LRTM1: variants seen among roughly 807,000 people sequenced by gnomAD.
LRTM1 encodes the protein leucine-rich repeat and transmembrane domain-containing protein 1.
In LRTM1, 38 loss-of-function variants were observed where a neutral mutation model predicts 32.4. That is an observed-to-expected ratio of 1.17 (90% CI 0.91 to 1.54). LRTM1 has a LOEUF of 1.54. Ranked by LOEUF, LRTM1 falls within the 40% of genes most tolerant of loss-of-function variation. LRTM1 has a pLI of 0.00. For synonymous variants in LRTM1, 186 were observed against 169.9 expected (o/e 1.09, Z -0.74); for missense variants, 466 against 415.4 (o/e 1.12, Z -1.06).
At chr3:54,951,632 G>A (rs1038928029) in intron 1 of LRTM1, among the ~76,000 whole-genome samples, 1 of 151,892 alleles carries the variant, frequency 6.6e-6, no homozygotes, top group Non-Finnish European at 1.5e-5. Flanking sequence ...TCTGAGTCAG[G>A]CGTGCAGGGC....
At chr3:54,934,167 G>A (rs532475407) in intron 1 of LRTM1, among the ~76,000 whole-genome samples, 1 of 152,290 alleles carries the variant, frequency 6.6e-6, no homozygotes, top group Non-Finnish European at 1.5e-5. Context: ...GCAAACACAT[G>A]GATTGTGAGT....
rs371361486 is a variant in LRTM1 at position 54,927,830 on chromosome 3, G to A, written c.7+75C>T. On this transcript the variant is annotated intron_variant, in intron 1 of 2. Coordinates refer to ENST00000273286, the MANE Select transcript of LRTM1 (RefSeq NM_020678.4). ...CAGACGACTTGAAAATAGATTTCCCGCAGATACCTTTGTGAGGGGATACCA... is the reference window on the plus strand; with the variant it reads ...CAGACGACTTGAAAATAGATTTCCCACAGATACCTTTGTGAGGGGATACCA... 373 of 1,475,796 alleles carry A rather than the reference G, an allele frequency of 2.5e-4. 2 individuals are homozygous for A. Among genetic ancestry groups the A allele is most frequent in the Middle Eastern group, 1.5e-3 (9 of 5,832 alleles). 91.4% of individuals were successfully genotyped at this position (1,475,796 alleles called of 1,614,324 possible). A position where few individuals can be genotyped will look rare whatever the true frequency, so the allele number is the denominator to read the frequency against.
At chr3:54,947,867 T>C (rs987565414) in intron 1 of LRTM1, among the ~76,000 whole-genome samples, 1 of 152,172 alleles carries the variant, frequency 6.6e-6, no homozygotes, top group Non-Finnish European at 1.5e-5. Flanking sequence ...ACTAGGGAGC[T>C]GCTTCAAACC....
intron 2 of LRTM1, among the ~76,000 whole-genome samples, chr3:54,919,875 C>G (rs1354395944): frequency 1.3e-5 from 2 of 152,220 alleles, no homozygotes; most frequent in Admixed American, 1.3e-4. Context: ...CCCAGTTCTC[C>G]ATGCTCAGTC....
chr3:54,942,937 T>C (rs1706692571), intron 1 of LRTM1, among the ~76,000 whole-genome samples: 1 of 152,048 alleles, frequency 6.6e-6, no homozygotes, highest in African/African-American at 2.4e-5. Context: ...GGCAGGAGAA[T>C]TGCTTGAACC....
At chr3:54,961,711 T>C (rs1575409433) in intron 1 of LRTM1, among the ~76,000 whole-genome samples, 2 of 152,174 alleles carry the variant, frequency 1.3e-5, no homozygotes, top group Non-Finnish European at 2.9e-5. Flanking sequence ...AGCAGTCTTC[T>C]TGGGTTCTGT....
In LRTM1 at chr3:54,918,521, C is replaced by G; in HGVS notation, c.976G>C (p.Ala326Pro). The G allele has an allele frequency of 6.2e-7, 1 of 1,613,988 alleles. No individual in the cohort carries two copies. Among genetic ancestry groups the G allele is most frequent in the Non-Finnish European group, 8.5e-7 (1 of 1,179,998 alleles). Reference sequence around the variant, plus strand: ...ACCTTCCCAGGATCATTGGTTTGAGCCAAGGGTCCCCCATGGTACTGGGCT... The same window carrying G: ...ACCTTCCCAGGATCATTGGTTTGAGGCAAGGGTCCCCCATGGTACTGGGCT... ...ITAQYHGGPL[A>P]QTNDPGKVEE... The change falls in exon 3 of 3, where the codon GCT becomes CCT. Residue 326 changes from alanine to proline, a missense_variant. Coordinates refer to ENST00000273286, the MANE Select transcript of LRTM1 (RefSeq NM_020678.4).
At chr3:54,936,964 GT>G (rs1390264829) in intron 1 of LRTM1, among the ~76,000 whole-genome samples, 9 of 152,142 alleles carry the variant, frequency 5.9e-5, no homozygotes, top group Non-Finnish European at 1.0e-4. Context: ...ATGGCCTCCA[GT>G]TGCTCCCACC....
At chr3:54,935,754 T>C (rs1701312394) in intron 1 of LRTM1, among the ~76,000 whole-genome samples, 1 of 152,262 alleles carries the variant, frequency 6.6e-6, no homozygotes, top group Admixed American at 6.5e-5. Context: ...TTTTAAATTA[T>C]AGCTTACTGT....
At chr3:54,963,465 T>C (rs941841243) in intron 1 of LRTM1, among the ~76,000 whole-genome samples, 9 of 152,224 alleles carry the variant, frequency 5.9e-5, no homozygotes, top group African/African-American at 2.2e-4. Context: ...TACGGAGCAC[T>C]TGACATCTAA....
intron 1 of LRTM1, among the ~76,000 whole-genome samples, chr3:54,926,078 T>TA (rs976272493): frequency 6.6e-6 from 1 of 152,184 alleles, no homozygotes; most frequent in Non-Finnish European, 1.5e-5. Context: ...CAGTTGAACT[T>TA]ACTTTGATTC....
Position 54,927,337 on chromosome 3 carries a change from C to A in LRTM1, c.7+568G>T, listed in dbSNP as rs1247393369. ...TGCAGAACATCACAGTCCCCTTCCC[C>A]TTTCCAGAATATCAAAGAGCAAAAC... is the stretch of plus-strand genomic sequence containing the variant. On this transcript the variant is annotated intron_variant, in intron 1 of 2. Coordinates refer to ENST00000273286, the MANE Select transcript of LRTM1 (RefSeq NM_020678.4). 2.0e-5 allele frequency among the ~76,000 whole-genome samples: 3 copies of A among 152,168 alleles called. No individual in the cohort carries two copies. The East Asian group carries it at 5.8e-4, about 29-fold the overall frequency.
intron 1 of LRTM1, among the ~76,000 whole-genome samples, chr3:54,927,273 C>A (rs904769727): frequency 6.6e-6 from 1 of 152,154 alleles, no homozygotes; most frequent in Non-Finnish European, 1.5e-5. Context: ...AGAGAGCCTT[C>A]TGAAAGAGAG....
rs550923314 is a variant in LRTM1, at chr3:54,924,601, C to T, written c.604+18G>A. ...CTGGTAACACACAGATGGGGGGTTC[C>T]AAATAGACATGACTGACCTTTATAG... On this transcript the variant is annotated intron_variant, in intron 2 of 2. Transcript: ENST00000273286. 3 of 1,589,792 alleles carry T rather than the reference C, an allele frequency of 1.9e-6. No individual in the cohort carries two copies. The highest frequency in any genetic ancestry group is 2.6e-6 in the Non-Finnish European group (3 of 1,159,740).
At chr3:54,936,977 T>C (rs1023749821) in intron 1 of LRTM1, among the ~76,000 whole-genome samples, 1 of 152,146 alleles carries the variant, frequency 6.6e-6, no homozygotes, top group Admixed American at 6.5e-5. Flanking sequence ...GCTCCCACCA[T>C]GAAGGCATCT....
rs766962117 is a variant in LRTM1 at position 54,925,162 on chromosome 3, A to G, written c.61T>C (p.Cys21Arg). ...GACTGACAGTAACACTTGTCCGGGC[A>G]GCTGCATACCACCTGGAGCAGGACA... ...VIVLLQVVCS[C>R]PDKCYCQSST... The change falls in exon 2 of 3, where the codon TGC (cysteine) becomes CGC (arginine). Residue 21 changes from cysteine (C) to arginine (R), a missense_variant. By Grantham distance (180) the Cys-to-Arg change is radical (BLOSUM62 -3). Coordinates refer to ENST00000273286, the MANE Select transcript of LRTM1 (RefSeq NM_020678.4). 1.2e-6 allele frequency: 2 copies of G among 1,614,152 alleles called. No individual in the cohort carries two copies. The highest frequency in any genetic ancestry group is 2.2e-5 in the South Asian group (2 of 91,066).
rs1701852505 is a variant in LRTM1, at chr3:54,955,162, G to A, written c.-222+11766C>T. The stretch of plus-strand genomic sequence containing the variant: ...TCCAATAACCCAGTGGGGTACAGAA[G>A]CTTACATACTGTATATACATTTTTC... On this transcript the variant is annotated intron_variant, in intron 1 of 2. Transcript: ENST00000493075. Among the ~76,000 whole-genome samples the A allele has an allele frequency of 2.6e-5, 4 of 152,192 alleles. No individual in the cohort carries two copies. In the South Asian group the frequency reaches 8.3e-4, roughly 31 times the overall value.
At chr3:54,921,603 A>G (rs940033555) in intron 2 of LRTM1, among the ~76,000 whole-genome samples, 3 of 152,136 alleles carry the variant, frequency 2.0e-5, no homozygotes, top group Non-Finnish European at 2.9e-5. Context: ...ATTCTGGACA[A>G]TGGAATTCAA....
intron 1 of LRTM1, among the ~76,000 whole-genome samples, chr3:54,935,074 G>C (rs1396344221): frequency 2.6e-5 from 4 of 152,180 alleles, no homozygotes; most frequent in African/African-American, 9.7e-5. Context: ...TCATCACCTT[G>C]AACCTGTTTT....
Sources: allele counts gnomAD v4.1 joint callset (sites outside exome capture counted in the v4.1 genomes callset), GRCh38; gene constraint gnomAD v4.1.1; transcripts MANE v1.5; gene names NCBI Gene and HGNC (gene_info 2026-07-23, HGNC 2026-07-21).